Variants in PLPPR5 observed in about 807,000 individuals in gnomAD.
PLPPR5 encodes the protein phospholipid phosphatase-related protein type 5.
PLPPR5 carries 16 observed loss-of-function variants against 33.9 expected under a neutral mutation model. That is an observed-to-expected ratio of 0.47 (90% CI 0.32 to 0.72). PLPPR5 has a LOEUF of 0.72. Among genes scored for constraint, PLPPR5 ranks in the 30% least tolerant of loss-of-function variants. The pLI is 0.03. For missense variants in PLPPR5, 301 were observed against 406.7 expected (o/e 0.74, Z 2.23); for synonymous variants, 163 against 150.3 (o/e 1.08, Z -0.62).
chr1:98,986,141 T>G (rs990811170), intron 1 of PLPPR5, among the ~76,000 whole-genome samples: 1 of 151,984 alleles, frequency 6.6e-6, no homozygotes, highest in Non-Finnish European at 1.5e-5. Flanking sequence ...GTAATGGATA[T>G]TTATGAAACA....
chr1:98,957,324 C>T (rs1194345004), intron 1 of PLPPR5, among the ~76,000 whole-genome samples: 2 of 141,868 alleles, frequency 1.4e-5, no homozygotes, highest in Non-Finnish European at 3.0e-5. Flanking sequence ...TGCCCTAAAA[C>T]TTAAAGTATA....
At chr1:98,971,046 C>T (rs1251916157) in intron 1 of PLPPR5, among the ~76,000 whole-genome samples, 1 of 151,878 alleles carries the variant, frequency 6.6e-6, no homozygotes, top group Non-Finnish European at 1.5e-5. Context: ...TTTATTCAAA[C>T]GAGGAGTAGA....
chr1:98,933,529 T>G (rs552014363), intron 3 of PLPPR5, among the ~76,000 whole-genome samples: 1 of 149,002 alleles, frequency 6.7e-6, no homozygotes, highest in Admixed American at 6.7e-5. Context: ...TAAAGGATTA[T>G]GAAACTGAGC....
chr1:99,004,228 G>C, intron 1 of PLPPR5: 1 of 559,828 alleles, frequency 1.8e-6, no homozygotes, highest in Non-Finnish European at 3.2e-6. Context: ...CGGGGTGTGG[G>C]GGGGTGACGT....
chr1:98,985,572 T>C (rs1398368532), intron 1 of PLPPR5, among the ~76,000 whole-genome samples: 1 of 152,094 alleles, frequency 6.6e-6, no homozygotes, highest in Non-Finnish European at 1.5e-5. Flanking sequence ...CGTCTCACTC[T>C]CTGAATCACC....
intron 5 of PLPPR5, among the ~76,000 whole-genome samples, chr1:98,895,350 C>A (rs1648433759): frequency 6.6e-6 from 1 of 152,012 alleles, no homozygotes; most frequent in African/African-American, 2.4e-5. Context: ...GACTTCCCAG[C>A]CTCCAGAATC....
At chr1:98,968,650 G>A (rs761483684) in intron 1 of PLPPR5, among the ~76,000 whole-genome samples, 7 of 151,676 alleles carry the variant, frequency 4.6e-5, no homozygotes, top group Non-Finnish European at 1.0e-4. Context: ...TATATTACTT[G>A]GCACTGTATG....
intron 5 of PLPPR5, among the ~76,000 whole-genome samples, chr1:98,898,871 C>A (rs1040469436): frequency 2.0e-5 from 3 of 152,012 alleles, no homozygotes; most frequent in Non-Finnish European, 2.9e-5. Context: ...AAGGAGCTAA[C>A]AGCTACCTTC....
chr1:98,970,354 T>C (rs1476192202), intron 1 of PLPPR5, among the ~76,000 whole-genome samples: 1 of 152,054 alleles, frequency 6.6e-6, no homozygotes, highest in Middle Eastern at 3.2e-3. Context: ...TCACATGTAC[T>C]AGGAAAAGGT....
chr1:98,935,492 G>C (rs766168687), intron 3 of PLPPR5, among the ~76,000 whole-genome samples: 6 of 152,012 alleles, frequency 3.9e-5, no homozygotes, highest in African/African-American at 7.3e-5. Context: ...CCCAATTTAT[G>C]ATATCAACAC....
chr1:98,961,649 T>C (rs1651255858), intron 1 of PLPPR5, among the ~76,000 whole-genome samples: 1 of 152,238 alleles, frequency 6.6e-6, no homozygotes, highest in Non-Finnish European at 1.5e-5. Flanking sequence ...AGCACAGTAC[T>C]AGGCACAAAG....
At chr1:98,910,888 G>GTTT (rs66793213) in intron 5 of PLPPR5, among the ~76,000 whole-genome samples, 2 of 142,316 alleles carry the variant, frequency 1.4e-5, no homozygotes, top group Non-Finnish European at 1.5e-5. Context: ...GCCAGAGAGT[G>GTTT]TTTTTTTTTT....
chr1:98,923,885 A>C (rs1649660964), intron 3 of PLPPR5, among the ~76,000 whole-genome samples: 2 of 152,364 alleles, frequency 1.3e-5, no homozygotes, highest in East Asian at 3.9e-4. Flanking sequence ...CCAGGCTATC[A>C]CATCACTTCA....
intron 1 of PLPPR5, among the ~76,000 whole-genome samples, chr1:98,987,568 T>C: frequency 6.6e-6 from 1 of 151,890 alleles, no homozygotes. Context: ...ATTCTAATGC[T>C]TTTCTGAAAG....
intron 3 of PLPPR5, among the ~76,000 whole-genome samples, chr1:98,923,242 G>T (rs1649637059): frequency 2.0e-5 from 3 of 152,094 alleles, no homozygotes; most frequent in Admixed American, 6.5e-5. Flanking sequence ...AAGCAAATTT[G>T]TTGACTGTAT....
intron 3 of PLPPR5, among the ~76,000 whole-genome samples, chr1:98,929,688 TA>T (rs1164098683): frequency 1.3e-5 from 2 of 152,200 alleles, no homozygotes; most frequent in Admixed American, 6.5e-5. Flanking sequence ...CACATTTACC[TA>T]ATCCCTAAAG....
rs192847425 is a variant in PLPPR5, at chr1:98,968,348, G to T, written c.238-11607C>A. Among the ~76,000 whole-genome samples the T allele has an allele frequency of 3.3e-5, 5 of 152,006 alleles. No homozygotes were observed. In the East Asian group the frequency reaches 9.7e-4, roughly 29 times the overall value. ...TAATTAATAAAAAATTAGTATGTGGGTTATTAGTAAGCTTTCCAGTTTTTC... is the reference window on the plus strand; with the variant it reads ...TAATTAATAAAAAATTAGTATGTGGTTTATTAGTAAGCTTTCCAGTTTTTC... On this transcript the variant is annotated intron_variant, in intron 1 of 5. Coordinates refer to ENST00000263177, the MANE Select transcript of PLPPR5 (RefSeq NM_001037317.2).
chr1:98,984,807 A>AT (rs918036274), intron 1 of PLPPR5, among the ~76,000 whole-genome samples: 1 of 152,006 alleles, frequency 6.6e-6, no homozygotes, highest in Non-Finnish European at 1.5e-5. Flanking sequence ...AGAGGTATCC[A>AT]TGCTGAGTCC....
chr1:98,894,787 C>T (rs558817198), intron 5 of PLPPR5, among the ~76,000 whole-genome samples: 125 of 152,126 alleles, frequency 8.2e-4, no homozygotes, highest in African/African-American at 2.8e-3. Context: ...AGGACAACCA[C>T]TAACCTGGAA....
Sources: allele counts gnomAD v4.1 joint callset (sites outside exome capture counted in the v4.1 genomes callset), GRCh38; gene constraint gnomAD v4.1.1; transcripts MANE v1.5; gene names NCBI Gene and HGNC (gene_info 2026-07-23, HGNC 2026-07-21).